The following NSD1 variants were observed in gnomAD, a reference collection of about 807,000 sequenced individuals.
The protein encoded by NSD1 is histone-lysine N-methyltransferase, H3 lysine-36 specific.
In NSD1, 26 loss-of-function variants were observed where a neutral mutation model predicts 242.7. That is an observed-to-expected ratio of 0.11 (90% CI 0.08 to 0.15). The LOEUF (loss-of-function observed/expected upper bound fraction) is 0.15. Among genes scored for constraint, NSD1 ranks in the 10% least tolerant of loss-of-function variants. The pLI is 1.00. For missense variants in NSD1, 2,495 were observed against 3,272.8 expected (o/e 0.76, Z 5.80); for synonymous variants, 1,106 against 1,178.1 (o/e 0.94, Z 1.25).
chr5:177,242,963 G>A (rs1766002939), intron 8 of NSD1, among the ~76,000 whole-genome samples: 1 of 152,186 alleles, frequency 6.6e-6, no homozygotes, highest in Non-Finnish European at 1.5e-5. Context: ...TATTAGTAGT[G>A]GGTGAGGTGA....
chr5:177,199,776 T>C (rs1023036818), intron 3 of NSD1, among the ~76,000 whole-genome samples: 4 of 151,910 alleles, frequency 2.6e-5, no homozygotes, highest in African/African-American at 9.7e-5. Context: ...ATTTAATTTT[T>C]AGTAGAGACG....
chr5:177,249,302 C>G (rs11135011), intron 11 of NSD1, among the ~76,000 whole-genome samples: 3,787 of 152,138 alleles, frequency 0.025, 64 homozygotes, highest in South Asian at 0.054. Flanking sequence ...AGCGAGACCC[C>G]TGTCTCTATT....
chr5:177,201,870 C>A lies in NSD1; in HGVS notation c.1064-2250C>A, dbSNP rs367608122. Among the ~76,000 whole-genome samples the A allele has an allele frequency of 1.1e-4, 16 of 150,374 alleles. No homozygotes were observed. The East Asian group carries it at 2.3e-3, about 21-fold the overall frequency. On this transcript the variant is annotated intron_variant, in intron 3 of 22. Transcript: ENST00000439151. ...CATCCCACCTGGCCAAACTGTTTAA[C>A]TTTAAAAGTTGTTCAGCCTGGCGCG...
intron 20 of NSD1, among the ~76,000 whole-genome samples, chr5:177,285,896 T>C (rs1759286818): frequency 6.6e-6 from 1 of 152,176 alleles, no homozygotes; most frequent in Non-Finnish European, 1.5e-5. Context: ...TGTGTGTTTG[T>C]TTGCTTGCTT....
intron 5 of NSD1, among the ~76,000 whole-genome samples, chr5:177,230,982 T>C (rs951710816): frequency 3.9e-5 from 6 of 152,192 alleles, no homozygotes; most frequent in African/African-American, 1.4e-4. Context: ...CATAGGGATC[T>C]GTTTTAATGA....
At chr5:177,159,205 G>A (rs965564115) in intron 2 of NSD1, among the ~76,000 whole-genome samples, 4 of 150,798 alleles carry the variant, frequency 2.7e-5, no homozygotes, top group African/African-American at 9.7e-5. Context: ...ACCATGCCCG[G>A]ATTTTTTGTC....
At chr5:177,205,469 GGCTGAGAAAAATACCA>G (rs1213116836) in intron 4 of NSD1, among the ~76,000 whole-genome samples, 1 of 150,758 alleles carries the variant, frequency 6.6e-6, no homozygotes, top group Admixed American at 6.6e-5. Flanking sequence ...TGTTAAATTT[GGCTGAGAAAAATACCA>G]GCTTATTTTA....
intron 12 of NSD1, 103 bp downstream of exon 12, chr5:177,251,956 A>G: frequency 7.2e-7 from 1 of 1,397,870 alleles, no homozygotes; most frequent in East Asian, 2.3e-5. Context: ...ACACTGGGCT[A>G]GTTGTTACAG....
At chr5:177,252,017 A>G (rs750952530) in intron 12 of NSD1, among the ~76,000 whole-genome samples, 164 bp downstream of exon 12, 2 of 152,262 alleles carry the variant, frequency 1.3e-5, no homozygotes, top group African/African-American at 2.4e-5. Flanking sequence ...CTACCAAGTG[A>G]ATAATAAATG....
At chr5:177,230,298 A>C (rs564309772) in intron 5 of NSD1, among the ~76,000 whole-genome samples, 1 of 151,908 alleles carries the variant, frequency 6.6e-6, no homozygotes, top group South Asian at 2.1e-4. Context: ...GTTTCTACCA[A>C]AGTAGAAAAG....
chr5:177,173,466 C>CTTTTTTTTTTTTTT (rs768982432), intron 2 of NSD1, among the ~76,000 whole-genome samples: 1 of 62,174 alleles, frequency 1.6e-5, no homozygotes, highest in African/African-American at 7.6e-5. Flanking sequence ...TACTATCTGG[C>CTTTTTTTTTTTTTT]TTTTTTTTTT....
chr5:177,146,723 G>C (rs1023993796), intron 2 of NSD1, among the ~76,000 whole-genome samples: 2 of 151,850 alleles, frequency 1.3e-5, no homozygotes, highest in African/African-American at 4.8e-5. Flanking sequence ...CTAAATGTTC[G>C]CTGGGTGCAG....
chr5:177,213,736 G>A (rs1241480415), intron 5 of NSD1, among the ~76,000 whole-genome samples: 1 of 152,142 alleles, frequency 6.6e-6, no homozygotes, highest in South Asian at 2.1e-4. Flanking sequence ...CTCCCAAAGT[G>A]CTGGGATTAC....
chr5:177,268,186 G>A (rs1468562649), intron 15 of NSD1, among the ~76,000 whole-genome samples: 1 of 151,650 alleles, frequency 6.6e-6, no homozygotes, highest in Non-Finnish European at 1.5e-5. Flanking sequence ...ATTGCTCACT[G>A]CAACTTCAAA....
intron 5 of NSD1, among the ~76,000 whole-genome samples, chr5:177,231,448 GTTA>G (rs1021063615): frequency 2.3e-4 from 35 of 152,230 alleles, no homozygotes; most frequent in African/African-American, 7.7e-4. Flanking sequence ...ACATGACAAG[GTTA>G]TTATTATTTT....
intron 2 of NSD1, among the ~76,000 whole-genome samples, chr5:177,150,131 T>C (rs1757582965): frequency 6.6e-6 from 1 of 151,704 alleles, no homozygotes. Context: ...TTTTAATTTT[T>C]ATTTATTTAT....
At chr5:177,237,661 T>G (rs562349744) in intron 6 of NSD1, among the ~76,000 whole-genome samples, 1 of 151,228 alleles carries the variant, frequency 6.6e-6, no homozygotes, top group South Asian at 2.1e-4. Flanking sequence ...GCCTCCCGAG[T>G]AGCTGGGACT....
intron 5 of NSD1, chr5:177,221,042 T>G: frequency 2.2e-6 from 1 of 455,454 alleles, no homozygotes; most frequent in Non-Finnish European, 4.4e-6. Flanking sequence ...TTTGTGTGGT[T>G]TTTCATTTTT....
intron 20 of NSD1, among the ~76,000 whole-genome samples, chr5:177,284,953 A>C (rs1303015010): frequency 1.3e-5 from 2 of 152,126 alleles, no homozygotes; most frequent in Non-Finnish European, 2.9e-5. Context: ...CACACACACA[A>C]AACAACAAAA....
Sources: gnomAD v4.1 joint callset for allele counts (sites outside exome capture counted in the v4.1 genomes callset) on GRCh38, gnomAD v4.1.1 for gene constraint, MANE v1.5 for transcripts, NCBI Gene and HGNC (gene_info 2026-07-23, HGNC 2026-07-21) for gene names.